Variants in PPP6R2 observed in about 807,000 individuals in gnomAD.
The protein encoded by PPP6R2 is protein phosphatase 6 regulatory subunit 2.
In PPP6R2, 62 loss-of-function variants were observed where a neutral mutation model predicts 100.2. That is an observed-to-expected ratio of 0.62 (90% CI 0.50 to 0.76). The LOEUF (loss-of-function observed/expected upper bound fraction) is 0.76, where lower values mean the gene tolerates loss of function less well. Among genes scored for constraint, PPP6R2 ranks in the 30% least tolerant of loss-of-function variants. The pLI is 0.00. For synonymous variants in PPP6R2, 525 were observed against 514.7 expected (o/e 1.02, Z -0.27); for missense variants, 1,142 against 1,276.3 (o/e 0.89, Z 1.60).
At chr22:50,355,575 C>CA (rs2148198041) in intron 1 of PPP6R2, among the ~76,000 whole-genome samples, 1 of 145,346 alleles carries the variant, frequency 6.9e-6, no homozygotes, top group African/African-American at 2.6e-5. Context: ...GGCTGGAGTG[C>CA]AGTGGTGCGA....
At chr22:50,427,859 T>C (rs1259238054) in intron 10 of PPP6R2, among the ~76,000 whole-genome samples, 1 of 152,250 alleles carries the variant, frequency 6.6e-6, no homozygotes, top group South Asian at 2.1e-4. Flanking sequence ...TAGCTGGGAC[T>C]ACAGGTGCCT....
chr22:50,356,185 C>T (rs2046528518), intron 1 of PPP6R2, among the ~76,000 whole-genome samples: 1 of 151,336 alleles, frequency 6.6e-6, no homozygotes. Flanking sequence ...AGGATGGTCT[C>T]GATCTCCTGA....
chr22:50,352,857 G>C (rs550759883), intron 1 of PPP6R2, among the ~76,000 whole-genome samples: 4 of 151,958 alleles, frequency 2.6e-5, no homozygotes, highest in Non-Finnish European at 5.9e-5. Context: ...GCTTGAGCTC[G>C]GGAGTTTGAG....
intron 3 of PPP6R2, among the ~76,000 whole-genome samples, chr22:50,398,304 T>C (rs984552584): frequency 6.6e-6 from 1 of 151,604 alleles, no homozygotes; most frequent in Non-Finnish European, 1.5e-5. Flanking sequence ...CCCGAGTTGC[T>C]GGGATTACAG....
intron 2 of PPP6R2, among the ~76,000 whole-genome samples, chr22:50,384,399 C>G (rs889839003): frequency 1.3e-5 from 2 of 151,930 alleles, no homozygotes; most frequent in Non-Finnish European, 2.9e-5. Context: ...ACTAAAAATA[C>G]AAAAAATTAG....
intron 2 of PPP6R2, among the ~76,000 whole-genome samples, chr22:50,377,867 C>T (rs939112653): frequency 6.6e-6 from 1 of 152,028 alleles, no homozygotes; most frequent in African/African-American, 2.4e-5. Flanking sequence ...AGTAGCTCAG[C>T]GTGGTGGCAC....
chr22:50,365,093 C>T (rs771101435), intron 1 of PPP6R2, among the ~76,000 whole-genome samples: 3 of 129,460 alleles, frequency 2.3e-5, no homozygotes, highest in South Asian at 2.5e-4. Context: ...TTTTTTGAGA[C>T]GGAGTTTTGC....
At chr22:50,410,516 G>T (rs1204806058) in intron 4 of PPP6R2, among the ~76,000 whole-genome samples, 6 of 126,024 alleles carry the variant, frequency 4.8e-5, no homozygotes, top group Non-Finnish European at 7.9e-5. Context: ...TTGCTCTGTC[G>T]TCCAGGCTGG....
intron 2 of PPP6R2, among the ~76,000 whole-genome samples, chr22:50,392,616 A>T (rs2055867860): frequency 6.6e-6 from 1 of 152,178 alleles, no homozygotes; most frequent in South Asian, 2.1e-4. Context: ...TGGGAAGAAA[A>T]ATGCAGCATC....
At chr22:50,394,889 G>A (rs1286460746) in intron 3 of PPP6R2, among the ~76,000 whole-genome samples, 1 of 140,890 alleles carries the variant, frequency 7.1e-6, no homozygotes, top group African/African-American at 2.7e-5. Context: ...ACTGCATCCT[G>A]GGTGACAGAG....
chr22:50,435,010 G>A lies in PPP6R2; in HGVS notation c.1445G>A (p.Arg482Gln), dbSNP rs1036431054. The A allele has an allele frequency of 2.5e-6, 4 of 1,605,508 alleles. No individual in the cohort carries two copies. Among genetic ancestry groups the A allele is most frequent in the South Asian group, 1.1e-5 (1 of 90,670 alleles). The stretch of plus-strand genomic sequence containing the variant: ...CGTGGGAACATGGGCCACCTCACAC[G>A]GATCGCCAACGCGGTGGTGCAGAAC... ...MRRGNMGHLT[R>Q]IANAVVQNLE... Residue 482 changes from arginine (R) to glutamine (Q), a missense_variant, in exon 13 of 24, where the codon CGG becomes CAG. Transcript: ENST00000612753.
At chr22:50,363,785 TG>T (rs1241443170) in intron 1 of PPP6R2, among the ~76,000 whole-genome samples, 3 of 152,220 alleles carry the variant, frequency 2.0e-5, no homozygotes, top group African/African-American at 7.2e-5. Flanking sequence ...CTCATCAATT[TG>T]GTTCCATTTA....
chr22:50,441,574 C>T (rs181587648), intron 22 of PPP6R2, among the ~76,000 whole-genome samples: 20 of 152,240 alleles, frequency 1.3e-4, no homozygotes, highest in Middle Eastern at 6.8e-3. Context: ...GGATGGGGGG[C>T]GGCGGCCTCA....
chr22:50,335,280 G>T, the PPP6R2 span, among the ~76,000 whole-genome samples: 1 of 143,468 alleles, frequency 7.0e-6, no homozygotes, highest in Non-Finnish European at 1.5e-5. Context: ...AGCCAGGGTG[G>T]TTTTGATCTC....
chr22:50,404,530 C>G (rs547351659), intron 3 of PPP6R2, among the ~76,000 whole-genome samples: 2 of 152,234 alleles, frequency 1.3e-5, no homozygotes, highest in South Asian at 4.1e-4. Flanking sequence ...ATCCTGCCAC[C>G]TCAGCCTCCC....
chr22:50,394,621 AAAAG>A (rs2056363978), intron 3 of PPP6R2, among the ~76,000 whole-genome samples: 4 of 149,080 alleles, frequency 2.7e-5, no homozygotes, highest in Admixed American at 1.3e-4. Flanking sequence ...AAAAAAAAAA[AAAAG>A]GCCGGGCACA....
At chr22:50,435,798 G>C (rs1164469378) in intron 13 of PPP6R2, among the ~76,000 whole-genome samples, 2 of 152,212 alleles carry the variant, frequency 1.3e-5, no homozygotes, top group Non-Finnish European at 2.9e-5. Flanking sequence ...GTAGATGGGT[G>C]GAGGTGGAGG....
At chr22:50,412,320 T>A (rs111793100) in intron 4 of PPP6R2, among the ~76,000 whole-genome samples, 2 of 150,870 alleles carry the variant, frequency 1.3e-5, no homozygotes, top group Non-Finnish European at 3.0e-5. Flanking sequence ...ACATTCCGAG[T>A]AGCTGGGATT....
chr22:50,420,025 T>C (rs1287553962), intron 8 of PPP6R2, among the ~76,000 whole-genome samples: 6 of 152,234 alleles, frequency 3.9e-5, no homozygotes, highest in Admixed American at 1.3e-4. Flanking sequence ...CTGCACCCAC[T>C]GTGCACTAAC....
Sources: allele counts gnomAD v4.1 joint callset (sites outside exome capture counted in the v4.1 genomes callset), GRCh38; gene constraint gnomAD v4.1.1; transcripts MANE v1.5; gene names NCBI Gene and HGNC (gene_info 2026-07-23, HGNC 2026-07-21).